The following KCTD18 variants were observed in gnomAD, a reference collection of about 807,000 sequenced individuals.
KCTD18 encodes BTB/POZ domain-containing protein KCTD18.
In KCTD18, 22 loss-of-function variants were observed where a neutral mutation model predicts 30.4. The observed-to-expected ratio is 0.72, with a 90% CI of 0.52 to 1.03. The LOEUF is 1.03. Among genes scored for constraint, KCTD18 ranks in the 50% least tolerant of loss-of-function variants. The pLI is 0.00. For missense variants in KCTD18, 529 were observed against 547.6 expected, an observed-to-expected ratio of 0.97 and a Z score of 0.34; for synonymous variants, 186 against 209.0, an observed-to-expected ratio of 0.89 and a Z score of 0.95.
chr2:200,500,994 A>G (rs950170734), intron 3 of KCTD18, among the ~76,000 whole-genome samples: 3 of 151,034 alleles, frequency 2.0e-5, no homozygotes, highest in African/African-American at 7.3e-5. Context: ...ATCTACAACT[A>G]TCTGATCTTT....
chr2:200,499,779 A>T (rs373772872), intron 3 of KCTD18, among the ~76,000 whole-genome samples: 1 of 151,394 alleles, frequency 6.6e-6, no homozygotes, highest in Non-Finnish European at 1.5e-5. Context: ...ACTCATTTTA[A>T]GAGGCCAGTA....
intron 3 of KCTD18, among the ~76,000 whole-genome samples, chr2:200,499,575 C>T (rs1388691540): frequency 1.3e-5 from 2 of 151,822 alleles, no homozygotes; most frequent in Non-Finnish European, 2.9e-5. Flanking sequence ...CAAGACTAAA[C>T]CAGGAAGAAG....
intron 5 of KCTD18, among the ~76,000 whole-genome samples, chr2:200,495,611 T>C (rs1282043746): frequency 6.6e-6 from 1 of 152,172 alleles, no homozygotes; most frequent in Non-Finnish European, 1.5e-5. Flanking sequence ...TATAAAAAAT[T>C]GTTTTTATTA....
Position 200,504,775 on chromosome 2 carries a change from A to C in KCTD18, c.345T>G (p.Ser115=). 1 of 1,614,012 alleles carries C rather than the reference A, an allele frequency of 6.2e-7. No homozygotes were observed. Among genetic ancestry groups the C allele is most frequent in the Non-Finnish European group, 8.5e-7 (1 of 1,179,942 alleles). The change falls in exon 3 of 7, where the codon TCT becomes TCG. Residue 115 remains serine, a synonymous_variant. Coordinates refer to ENST00000359878, the MANE Select transcript of KCTD18 (RefSeq NM_152387.4). ...TTTTAAGTTCTATATTTGACCTTAA[A>C]GAATATGTCTCCATTTCATTGGCCA... ...DHLANEMETY[S]LRSNIELKKA...
chr2:200,490,333 C>A lies in KCTD18; in HGVS notation c.1048G>T (p.Ala350Ser). 3 of 1,614,248 alleles carry A rather than the reference C, an allele frequency of 1.9e-6. No individual in the cohort carries two copies. Among genetic ancestry groups the A allele is most frequent in the Middle Eastern group, 1.6e-4 (1 of 6,062 alleles). Residue 350 changes from alanine to serine, a missense_variant, in exon 7 of 7, where the codon GCG (alanine) becomes TCG (serine). Coordinates refer to ENST00000359878, the MANE Select transcript of KCTD18 (RefSeq NM_152387.4). Reference sequence around the variant, plus strand: ...TGCGTGCCTCCATTTTCAGCGCTCGCAGCCCCAGGGGAAGCCTGAGGATGC... The same window carrying A: ...TGCGTGCCTCCATTTTCAGCGCTCGAAGCCCCAGGGGAAGCCTGAGGATGC... ...PGHPQASPGA[A>S]SAENGGTHLP...
At chr2:200,499,207 A>T (rs956771549) in intron 3 of KCTD18, 123 bp from the exon 4 acceptor site, 1 of 682,664 alleles carries the variant, frequency 1.5e-6, no homozygotes, top group Non-Finnish European at 2.4e-6. Flanking sequence ...TAAAAAGATT[A>T]TATATTTCAG....
Position 200,498,981 on chromosome 2 carries a change from A to C in KCTD18, c.476T>G (p.Ile159Ser), listed in dbSNP as rs1462584900. Reference protein sequence around the residue: ...NTSGASCESRIIGVYATKTDG... With the variant: ...NTSGASCESRSIGVYATKTDG... ...AGTTTTTGTGGCATATACACCAATA[A>C]TTCTACTCTCACAGCTTGCACCAGA... Residue 159 changes from isoleucine to serine, a missense_variant, in exon 4 of 7, where the codon ATT (isoleucine) becomes AGT (serine). Physicochemically the swap from Ile to Ser is moderately radical, Grantham distance 142 (BLOSUM62 -2). Transcript: ENST00000359878. The C allele has an allele frequency of 1.9e-6, 3 of 1,614,150 alleles. No homozygotes were observed. Among genetic ancestry groups the C allele is most frequent in the Non-Finnish European group, 2.5e-6 (3 of 1,179,986 alleles).
intron 1 of KCTD18, among the ~76,000 whole-genome samples, chr2:200,509,399 T>G (rs1170420179): frequency 6.6e-6 from 1 of 152,096 alleles, no homozygotes; most frequent in Non-Finnish European, 1.5e-5. Flanking sequence ...ATCTCAAGAC[T>G]TGGCTACGAT....
chr2:200,506,877 G>A lies in KCTD18; in HGVS notation c.140C>T (p.Pro47Leu). 6.2e-7 allele frequency: 1 copy of A among 1,613,852 alleles called. No homozygotes were observed. The highest frequency in any genetic ancestry group is 8.5e-7 in the Non-Finnish European group (1 of 1,179,930). Residue 47 changes from proline (P) to leucine (L), a missense_variant, in exon 2 of 7, where the codon CCT becomes CTT. By Grantham distance (98) the Pro-to-Leu change is moderately conservative. Transcript: ENST00000359878. ...TTTACCTGACTCATCTGTTTTTAGA[G>A]GAAAGCGACCACTGAACATAGATGC... Reference protein sequence around the residue: ...MLASMFSGRFPLKTDESGACV... With the variant: ...MLASMFSGRFLLKTDESGACV...
chr2:200,507,373 G>A lies in KCTD18; in HGVS notation c.-75-282C>T, dbSNP rs374977008. The stretch of plus-strand genomic sequence containing the variant: ...CACTCTCTGTCACACAGCAAACAAA[G>A]GAGAGGCCTGCTTATGATCTTCAGT... On this transcript the variant is annotated intron_variant, in intron 1 of 6. Transcript: ENST00000359878. 9.8e-5 allele frequency among the ~76,000 whole-genome samples: 15 copies of A among 152,300 alleles called. No homozygotes were observed. In the East Asian group the frequency reaches 2.5e-3, roughly 25 times the overall value.
At chr2:200,506,809 T>G (rs749896082) in intron 2 of KCTD18, 48 bp downstream of exon 2, 1 of 1,553,724 alleles carries the variant, frequency 6.4e-7, no homozygotes, top group Non-Finnish European at 8.8e-7. Context: ...GAACTTAAAC[T>G]GGTGTTAATA....
At chr2:200,503,888 C>A (rs1472857700) in intron 3 of KCTD18, among the ~76,000 whole-genome samples, 1 of 152,144 alleles carries the variant, frequency 6.6e-6, no homozygotes, top group Non-Finnish European at 1.5e-5. Flanking sequence ...ATTAATAACA[C>A]ATATAATACT....
Position 200,489,541 on chromosome 2 carries a change from A to C in KCTD18, c.*559T>G, listed in dbSNP as rs2106273614. The C allele has an allele frequency of 6.6e-6, 1 of 152,414 alleles. No individual in the cohort carries two copies. The highest frequency in any genetic ancestry group is 1.5e-5 in the Non-Finnish European group (1 of 68,070). The allele number at this position is 152,414 out of a possible 1,614,324, so 9.4% of individuals were successfully genotyped here. On this transcript the variant is annotated 3_prime_UTR_variant, in exon 7 of 7. Transcript: ENST00000359878. ...AAATCGTTGAATTAAGTGAGAGTCA[A>C]AGTGCTAATTCAATCTATGGGGTTT...
At chr2:200,494,151 C>G (rs1349870448) in intron 5 of KCTD18, among the ~76,000 whole-genome samples, 1 of 152,164 alleles carries the variant, frequency 6.6e-6, no homozygotes, top group African/African-American at 2.4e-5. Flanking sequence ...GTAGAGCTAT[C>G]AAGAGTAGGT....
intron 3 of KCTD18, among the ~76,000 whole-genome samples, chr2:200,504,531 A>G (rs1223022904): frequency 6.6e-6 from 1 of 152,054 alleles, no homozygotes; most frequent in Non-Finnish European, 1.5e-5. Flanking sequence ...TTAAATCTTC[A>G]GTGAGCAATA....
At position 200,489,757 on chromosome 2, in the gene KCTD18, G is replaced by C; in HGVS notation, c.*343C>G. On this transcript the variant is annotated 3_prime_UTR_variant, in exon 7 of 7. Transcript: ENST00000359878. ...CAAACCTCATGCCCATCCTCGGGTTGCAACAAGTAACGTTTACTTCAGCAA... is the reference window on the plus strand; with the variant it reads ...CAAACCTCATGCCCATCCTCGGGTTCCAACAAGTAACGTTTACTTCAGCAA... 1 of 225,576 alleles carries C rather than the reference G, an allele frequency of 4.4e-6. No individual in the cohort carries two copies. Among genetic ancestry groups the C allele is most frequent in the Non-Finnish European group, 8.6e-6 (1 of 115,720 alleles). 14.0% of individuals were successfully genotyped at this position (225,576 alleles called of 1,614,324 possible).
intron 5 of KCTD18, among the ~76,000 whole-genome samples, chr2:200,494,018 A>AT (rs2106277396): frequency 6.6e-6 from 1 of 152,378 alleles, no homozygotes; most frequent in African/African-American, 2.4e-5. Context: ...ATTCATTTTA[A>AT]TTTTTAAATC....
chr2:200,500,455 G>A (rs910007689), intron 3 of KCTD18, among the ~76,000 whole-genome samples: 2 of 152,186 alleles, frequency 1.3e-5, no homozygotes, highest in African/African-American at 4.8e-5. Context: ...AAATCAGTGT[G>A]CAAAAATCAC....
Position 200,497,968 on chromosome 2 carries a change from G to A in KCTD18, c.567-121C>T, listed in dbSNP as rs1574801626. On this transcript the variant is annotated intron_variant, in intron 4 of 6. Transcript: ENST00000359878. ...TTAAGGGAAAAAACATGTAAGCACTGAGTAGTTGTTCTGTGATCCTTAAGT... is the reference window on the plus strand; with the variant it reads ...TTAAGGGAAAAAACATGTAAGCACTAAGTAGTTGTTCTGTGATCCTTAAGT... 5 of 695,676 alleles carry A rather than the reference G, an allele frequency of 7.2e-6. No individual in the cohort carries two copies. The East Asian group carries it at 1.3e-4, about 18-fold the overall frequency. 43.1% of individuals were successfully genotyped at this position (695,676 alleles called of 1,614,324 possible).
Sources: gnomAD v4.1 joint callset for allele counts (sites outside exome capture counted in the v4.1 genomes callset) on GRCh38, gnomAD v4.1.1 for gene constraint, MANE v1.5 for transcripts, NCBI Gene and HGNC (gene_info 2026-07-23, HGNC 2026-07-21) for gene names.